The following CADM2 variants were observed in gnomAD, a reference collection of about 807,000 sequenced individuals.
CADM2 encodes the protein immunoglobulin superfamily member 4D.
In CADM2, 12 loss-of-function variants were observed where a neutral mutation model predicts 49.8. The observed-to-expected ratio is 0.24, with a 90% CI of 0.15 to 0.39. CADM2 has a LOEUF of 0.39. Ranked by LOEUF, CADM2 falls within the 10% of genes least tolerant of loss-of-function variation. The probability of loss-of-function intolerance (pLI) is 1.00; values close to 1 mark genes in which losing one functional copy is unlikely to be tolerated. For synonymous variants in CADM2, 214 were observed against 175.4 expected (o/e 1.22, Z -1.74); for missense variants, 378 against 492.3 (o/e 0.77, Z 2.20).
chr3:85,756,973 C>T (rs554879630), intron 2 of CADM2, among the ~76,000 whole-genome samples: 1 of 152,150 alleles, frequency 6.6e-6, no homozygotes, highest in African/African-American at 2.4e-5. Flanking sequence ...TGACTTTTCA[C>T]AACAGTGAAG....
intron 1 of CADM2, among the ~76,000 whole-genome samples, chr3:85,086,509 CTTTTTTTTT>C (rs61269529): frequency 9.8e-6 from 1 of 102,314 alleles, no homozygotes; most frequent in Admixed American, 1.2e-4. Context: ...CAAGAATAAA[CTTTTTTTTT>C]TTTTTTTTTT....
At chr3:85,677,372 A>G (rs2065914771) in intron 1 of CADM2, among the ~76,000 whole-genome samples, 2 of 152,216 alleles carry the variant, frequency 1.3e-5, no homozygotes. Context: ...TCCAGATGCA[A>G]TGAAAGCAGG....
chr3:85,481,630 C>A (rs1203926649), intron 1 of CADM2, among the ~76,000 whole-genome samples: 1 of 151,482 alleles, frequency 6.6e-6, no homozygotes, highest in Non-Finnish European at 1.5e-5. Flanking sequence ...GGAGGTATGG[C>A]ACTATAATAA....
chr3:85,910,045 A>C (rs1267270612), intron 5 of CADM2, among the ~76,000 whole-genome samples: 1 of 152,132 alleles, frequency 6.6e-6, no homozygotes. Flanking sequence ...ATTTTACTTG[A>C]ATTAGTTCAT....
At chr3:84,965,197 G>A (rs1044634833) in intron 1 of CADM2, among the ~76,000 whole-genome samples, 1 of 152,158 alleles carries the variant, frequency 6.6e-6, no homozygotes, top group Non-Finnish European at 1.5e-5. Context: ...CATTTTTGGA[G>A]TGCAATTCTG....
chr3:85,502,679 A>G (rs1462085327), intron 1 of CADM2, among the ~76,000 whole-genome samples: 1 of 152,130 alleles, frequency 6.6e-6, no homozygotes, highest in Non-Finnish European at 1.5e-5. Flanking sequence ...ATTATGATGA[A>G]TTACCTTATT....
chr3:85,908,290 T>G (rs565367582), intron 5 of CADM2, among the ~76,000 whole-genome samples: 1 of 147,630 alleles, frequency 6.8e-6, no homozygotes, highest in East Asian at 2.0e-4. Flanking sequence ...TAACCTAACT[T>G]GAAGCATTTA....
chr3:86,073,103 T>C lies in CADM2; in HGVS notation c.*6320T>C, dbSNP rs1559842389. ...CAGCTTTTCATTCAAACAAAAAATA[T>C]TCCCTCAAGAAAGCTCCATTTTTAT... On this transcript the variant is annotated 3_prime_UTR_variant, in exon 10 of 10. Transcript: ENST00000383699. 6.6e-6 allele frequency: 1 copy of C among 152,164 alleles called. No homozygotes were observed. The highest frequency in any genetic ancestry group is 1.9e-4 in the East Asian group (1 of 5,188). The allele number at this position is 152,164 out of a possible 1,614,324, so 9.4% of individuals were successfully genotyped here. A position where few individuals can be genotyped will look rare whatever the true frequency, so the allele number is the denominator to read the frequency against.
chr3:85,582,166 C>G (rs1972993), intron 1 of CADM2, among the ~76,000 whole-genome samples: 31,398 of 151,846 alleles, frequency 0.21, 3,867 homozygotes, highest in East Asian at 0.3. Flanking sequence ...TCTCATGATC[C>G]GCCTGCCTCA....
At chr3:85,734,599 A>G (rs1016568206) in intron 2 of CADM2, among the ~76,000 whole-genome samples, 17 of 148,982 alleles carry the variant, frequency 1.1e-4, no homozygotes, top group Non-Finnish European at 1.0e-4. Context: ...ACATATATAT[A>G]CATACATATA....
chr3:85,543,300 G>C (rs1460615782), intron 1 of CADM2, among the ~76,000 whole-genome samples: 1 of 148,530 alleles, frequency 6.7e-6, no homozygotes, highest in Admixed American at 6.8e-5. Flanking sequence ...CGTCGCCCAG[G>C]CTGGTGTGTA....
chr3:85,730,373 C>T (rs1053537518), intron 2 of CADM2, among the ~76,000 whole-genome samples: 12 of 151,892 alleles, frequency 7.9e-5, no homozygotes, highest in South Asian at 6.2e-4. Context: ...CCCAGGGAGG[C>T]GGAGCCTGCA....
intron 2 of CADM2, among the ~76,000 whole-genome samples, chr3:85,770,181 G>A (rs1012707137): frequency 6.6e-6 from 1 of 152,046 alleles, no homozygotes; most frequent in African/African-American, 2.4e-5. Context: ...AAATATTATA[G>A]TCATCGATGT....
chr3:84,978,789 T>G (rs2031988739), intron 1 of CADM2, among the ~76,000 whole-genome samples: 1 of 152,192 alleles, frequency 6.6e-6, no homozygotes, highest in Non-Finnish European at 1.5e-5. Context: ...CCAAACATCA[T>G]AATAGGCCAT....
intron 1 of CADM2, among the ~76,000 whole-genome samples, chr3:85,554,079 A>G (rs1484004640): frequency 7.0e-6 from 1 of 143,472 alleles, no homozygotes; most frequent in East Asian, 2.2e-4. Flanking sequence ...CCAGGGACCA[A>G]TTTTGGGGAA....
intron 1 of CADM2, among the ~76,000 whole-genome samples, chr3:85,407,879 T>A (rs1482883925): frequency 6.6e-6 from 1 of 151,532 alleles, no homozygotes; most frequent in Non-Finnish European, 1.5e-5. Flanking sequence ...CATGATGGTG[T>A]GTGCCTGCAG....
intron 1 of CADM2, among the ~76,000 whole-genome samples, chr3:85,529,620 A>G (rs2061250060): frequency 6.6e-6 from 1 of 152,108 alleles, no homozygotes; most frequent in South Asian, 2.1e-4. Flanking sequence ...CAATAAAATT[A>G]AAACATGGTC....
intron 1 of CADM2, among the ~76,000 whole-genome samples, chr3:85,014,734 G>T (rs573657197): frequency 3.3e-5 from 5 of 152,104 alleles, no homozygotes; most frequent in African/African-American, 7.2e-5. Flanking sequence ...TTTTTGAAAG[G>T]CTTCAGTCTG....
At chr3:85,882,587 A>C (rs1156398723) in intron 3 of CADM2, among the ~76,000 whole-genome samples, 2 of 152,146 alleles carry the variant, frequency 1.3e-5, no homozygotes, top group Admixed American at 6.5e-5. Flanking sequence ...TTAGTAGAGC[A>C]CACAATGATA....
Sources: allele counts gnomAD v4.1 joint callset (sites outside exome capture counted in the v4.1 genomes callset), GRCh38; gene constraint gnomAD v4.1.1; transcripts MANE v1.5; gene names NCBI Gene and HGNC (gene_info 2026-07-23, HGNC 2026-07-21).